Variants in TAFA3 observed in about 807,000 individuals in gnomAD.
The protein encoded by TAFA3 is TAFA chemokine like family member 3.
A neutral mutation model predicts 20.7 loss-of-function variants in TAFA3; 17 were observed. The observed-to-expected ratio is 0.82, with a 90% CI of 0.56 to 1.23. TAFA3 has a LOEUF of 1.23. Among genes scored for constraint, TAFA3 ranks in the 50% most tolerant of loss-of-function variants. The pLI, the probability that TAFA3 is intolerant of heterozygous loss-of-function variation, is 0.00. For missense variants in TAFA3, 174 were observed against 172.8 expected (o/e 1.01, Z -0.04); for synonymous variants, 74 against 71.8 (o/e 1.03, Z -0.16).
chr1:112,726,280 C>A (rs1675469736), intron 5 of TAFA3, among the ~76,000 whole-genome samples: 2 of 152,216 alleles, frequency 1.3e-5, no homozygotes, highest in Non-Finnish European at 2.9e-5. Context: ...CTCTCTCTAT[C>A]CGGAGGCAGG....
intron 5 of TAFA3, among the ~76,000 whole-genome samples, chr1:112,724,784 T>C (rs1449798665): frequency 1.7e-5 from 1 of 58,178 alleles, no homozygotes; most frequent in Non-Finnish European, 3.2e-5. Context: ...TAAAGTATAA[T>C]TTAAAAAAAA....
In TAFA3 at chr1:112,726,797, C is replaced by A; in HGVS notation, c.*157C>A. Reference sequence around the variant, plus strand: ...GGGGCATTTCAGTTAAGCTGCTCAGCAGATATGGATGGATCTGCAATCACA... The same window carrying A: ...GGGGCATTTCAGTTAAGCTGCTCAGAAGATATGGATGGATCTGCAATCACA... On this transcript the variant is annotated 3_prime_UTR_variant, in exon 6 of 6. Transcript: ENST00000361886. The A allele has an allele frequency of 1.7e-6, 2 of 1,147,712 alleles. No individual in the cohort carries two copies. Among genetic ancestry groups the A allele is most frequent in the Non-Finnish European group, 2.6e-6 (2 of 783,394 alleles). 71.1% of individuals were successfully genotyped at this position (1,147,712 alleles called of 1,614,324 possible).
rs1226337517 is a variant in TAFA3, at chr1:112,720,587, T to A, written c.-49T>A. The stretch of plus-strand genomic sequence containing the variant: ...TTCCTACTTGTCCAGGTGGAGTGAG[T>A]CTGAGGACAGCAGATGAACAGACAG... On this transcript the variant is annotated 5_prime_UTR_variant, in exon 2 of 6. Coordinates refer to ENST00000361886, the MANE Select transcript of TAFA3 (RefSeq NM_182759.3). 1 of 152,156 alleles carries A rather than the reference T, an allele frequency of 6.6e-6. No individual in the cohort carries two copies. The highest frequency in any genetic ancestry group is 1.5e-5 in the Non-Finnish European group (1 of 68,140). The allele number at this position is 152,156 out of a possible 1,614,324, so 9.4% of individuals were successfully genotyped here.
chr1:112,722,231 A>C lies in TAFA3; in HGVS notation c.-1-2A>C, dbSNP rs777137728. On this transcript the variant is annotated splice_acceptor_variant, in intron 2 of 5. Coordinates refer to ENST00000361886, the MANE Select transcript of TAFA3 (RefSeq NM_182759.3). LOFTEE classifies it low-confidence loss of function (5UTR_SPLICE). ...GAGCAGAATGTGTGCTTCTCTCCGCAGGATGAGTGAGAGGGTCGAGCGGAA... is the reference window on the plus strand; with the variant it reads ...GAGCAGAATGTGTGCTTCTCTCCGCCGGATGAGTGAGAGGGTCGAGCGGAA... 20 of 1,613,910 alleles carry C rather than the reference A, an allele frequency of 1.2e-5. 1 individual carries two copies.
intron 5 of TAFA3, among the ~76,000 whole-genome samples, chr1:112,726,301 A>G (rs1364093563): frequency 6.6e-6 from 1 of 152,250 alleles, no homozygotes; most frequent in African/African-American, 2.4e-5. Context: ...GATGAGGGAC[A>G]GCCATTCTGA....
chr1:112,719,852 C>A (rs1283740462), intron 1 of TAFA3, among the ~76,000 whole-genome samples: 2 of 152,156 alleles, frequency 1.3e-5, no homozygotes, highest in Admixed American at 6.5e-5. Flanking sequence ...GGAACTGGCA[C>A]CTCTTCTCTG....
rs775737009 is a variant in TAFA3, at chr1:112,724,104, CT to C, written c.358del (p.Cys120AlafsTer28). 6 of 1,612,024 alleles carry C rather than the reference CT, an allele frequency of 3.7e-6. No individual in the cohort carries two copies. In the South Asian group the frequency reaches 6.6e-5, roughly 18 times the overall value. ...KVLPDLSGWSCSSGHKVKTTK... is the reference protein window; with the variant it reads ...KVLPDLSGWSXSSGHKVKTTK... ...TGCTCCCGGACCTGTCGGGATGGAG[CT>C]GCAGCAGTGGACACAAAGTCAAAAC... On this transcript the variant is annotated frameshift_variant, in exon 5 of 6. Transcript: ENST00000361886. LOFTEE classifies it high-confidence loss of function.
chr1:112,721,297 C>T (rs1164562848), intron 2 of TAFA3, among the ~76,000 whole-genome samples: 2 of 152,192 alleles, frequency 1.3e-5, no homozygotes, highest in Admixed American at 6.5e-5. Context: ...ATCTGAGCAA[C>T]ATAGATAATC....
rs944290808 is a variant in TAFA3, at chr1:112,719,221, C to T, written c.-138C>T. ...CCGCTCCCTCCCAAAGTCTGTCTTT[C>T]GGAGTGCTGGTCCCTGGCTCAGTGG... On this transcript the variant is annotated 5_prime_UTR_variant, in exon 1 of 6. Transcript: ENST00000361886. 6.6e-6 allele frequency among the ~76,000 whole-genome samples: 1 copy of T among 152,344 alleles called. No individual in the cohort carries two copies. The highest frequency in any genetic ancestry group is 2.1e-4 in the South Asian group (1 of 4,832).
Position 112,725,765 on chromosome 1 carries a change from A to G in TAFA3, c.391-864A>G, listed in dbSNP as rs145141246. ...GTCACCATTGGTACAGAAGAGTGACACTGCAGGGCAAGCCAGGGTTCTGCC... is the reference window on the plus strand; with the variant it reads ...GTCACCATTGGTACAGAAGAGTGACGCTGCAGGGCAAGCCAGGGTTCTGCC... On this transcript the variant is annotated intron_variant, in intron 5 of 5. Transcript: ENST00000361886. Among the ~76,000 whole-genome samples the G allele has an allele frequency of 2.6e-3, 389 of 152,352 alleles. 3 individuals carry two copies. The highest frequency in any genetic ancestry group is 8.8e-3 in the African/African-American group (364 of 41,568).
At position 112,725,687 on chromosome 1, in the gene TAFA3, A is replaced by G. The variant is rs1367203799; in HGVS notation, c.391-942A>G. On this transcript the variant is annotated intron_variant, in intron 5 of 5. Coordinates refer to ENST00000361886, the MANE Select transcript of TAFA3 (RefSeq NM_182759.3). ...CAAGGGGTAATTAAATTTTTTATCAAACTCGTTAGCAGCTCCATGTGTGTC... is the reference window on the plus strand; with the variant it reads ...CAAGGGGTAATTAAATTTTTTATCAGACTCGTTAGCAGCTCCATGTGTGTC... Among the ~76,000 whole-genome samples the G allele has an allele frequency of 2.6e-5, 4 of 152,136 alleles. No individual in the cohort carries two copies. The East Asian group carries it at 7.7e-4, about 29-fold the overall frequency.
intron 5 of TAFA3, 139 bp downstream of exon 5, chr1:112,724,276 T>C (rs1675405580): frequency 1.2e-6 from 1 of 800,274 alleles, no homozygotes; most frequent in Non-Finnish European, 1.9e-6. Flanking sequence ...CAGACAGTCC[T>C]CTCAGGTCTG....
intron 2 of TAFA3, among the ~76,000 whole-genome samples, chr1:112,721,471 G>A (rs1045184679): frequency 6.6e-6 from 1 of 152,116 alleles, no homozygotes; most frequent in Non-Finnish European, 1.5e-5. Context: ...GCACCACCAT[G>A]CCTGACTAAT....
rs190717142 is a variant in TAFA3 at position 112,726,830 on chromosome 1, T to G, written c.*190T>G. On this transcript the variant is annotated 3_prime_UTR_variant, in exon 6 of 6. Coordinates refer to ENST00000361886, the MANE Select transcript of TAFA3 (RefSeq NM_182759.3). ...GATGGATCTGCAATCACATACCTAATGTGGAGCTGGGCTTTTCTGGAGACA... is the reference window on the plus strand; with the variant it reads ...GATGGATCTGCAATCACATACCTAAGGTGGAGCTGGGCTTTTCTGGAGACA... The G allele has an allele frequency of 8.8e-6, 7 of 796,476 alleles. No individual in the cohort carries two copies. Among genetic ancestry groups the G allele is most frequent in the African/African-American group, 1.7e-5 (1 of 58,052 alleles). 49.3% of individuals were successfully genotyped at this position (796,476 alleles called of 1,614,324 possible).
At chr1:112,722,195 T>C (rs1267788382) in intron 2 of TAFA3, 38 bp from the exon 3 acceptor site, 1 of 1,606,944 alleles carries the variant, frequency 6.2e-7, no homozygotes, top group Non-Finnish European at 8.5e-7. Context: ...GGGGAGCTTC[T>C]GCCTGGAGCT....
chr1:112,721,331 T>C (rs1301945246), intron 2 of TAFA3, among the ~76,000 whole-genome samples: 1 of 152,218 alleles, frequency 6.6e-6, no homozygotes, highest in Non-Finnish European at 1.5e-5. Context: ...CATTTTATTT[T>C]ATTTATTTTT....
rs1050525412 is a variant in TAFA3 at position 112,719,024 on chromosome 1, A to G, written c.-335A>G. Among the ~76,000 whole-genome samples the G allele has an allele frequency of 6.6e-6, 1 of 152,214 alleles. No homozygotes were observed. Among genetic ancestry groups the G allele is most frequent in the Admixed American group, 6.5e-5 (1 of 15,290 alleles). ...CCGGCCTGCCGGCAGGAACCTTGGA[A>G]AAAACCCGGCTGAGTTCTGCAGAGC... On this transcript the variant is annotated 5_prime_UTR_variant, in exon 1 of 6. Transcript: ENST00000361886.
intron 5 of TAFA3, among the ~76,000 whole-genome samples, chr1:112,724,816 CAAAAAAAAAAA>C: frequency 4.4e-4 from 10 of 22,654 alleles, no homozygotes; most frequent in Admixed American, 8.8e-4. Flanking sequence ...ATTAGAGCAG[CAAAAAAAAAAA>C]AAAAAAAAAA....
intron 4 of TAFA3, 75 bp downstream of exon 4, chr1:112,723,240 C>T (rs1477793574): frequency 2.7e-6 from 4 of 1,504,010 alleles, no homozygotes; most frequent in Non-Finnish European, 3.6e-6. Context: ...TCGCCATCTG[C>T]TGGGGATACA....
Sources: allele counts gnomAD v4.1 joint callset (sites outside exome capture counted in the v4.1 genomes callset), GRCh38; gene constraint gnomAD v4.1.1; transcripts MANE v1.5; gene names NCBI Gene and HGNC (gene_info 2026-07-23, HGNC 2026-07-21).